The following ARHGEF3 variants were observed in gnomAD, a reference collection of about 807,000 sequenced individuals.
ARHGEF3 encodes Rho guanine nucleotide exchange factor 3, also known as 59.8 kDA protein.
Under a neutral mutation model 63.2 loss-of-function variants are expected in ARHGEF3, and 28 were observed. The ratio of observed to expected loss-of-function variants is 0.44; its 90% CI spans 0.33 to 0.61. The LOEUF (loss-of-function observed/expected upper bound fraction) is 0.61, where lower values mean the gene tolerates loss of function less well. Ranked by LOEUF, ARHGEF3 falls within the 20% of genes least tolerant of loss-of-function variation. ARHGEF3 has a pLI of 0.03. For synonymous variants in ARHGEF3, 266 were observed against 254.2 expected, an observed-to-expected ratio of 1.05 and a Z score of -0.44; for missense variants, 533 against 659.3, an observed-to-expected ratio of 0.81 and a Z score of 2.10.
rs575180477 is a variant in ARHGEF3, at chr3:56,821,164, A to T, written c.193-47348T>A. On this transcript the variant is annotated intron_variant, in intron 4 of 12. Transcript: ENST00000338458. Reference sequence around the variant, plus strand: ...AGAGTGAGAGACCCTGTCTCAAAAAAAAATAAATAAATAAAAAAAATAGGG... The same window carrying T: ...AGAGTGAGAGACCCTGTCTCAAAAATAAATAAATAAATAAAAAAAATAGGG... Among the ~76,000 whole-genome samples, 339 of 151,946 alleles carry T rather than the reference A, an allele frequency of 2.2e-3. 2 individuals carry two copies. Among genetic ancestry groups the T allele is most frequent in the South Asian group, 7.8e-3 (37 of 4,718 alleles).
chr3:56,756,711 G>A (rs377733075), intron 2 of ARHGEF3, among the ~76,000 whole-genome samples: 3 of 151,918 alleles, frequency 2.0e-5, no homozygotes, highest in Admixed American at 1.3e-4. Context: ...CACCACGCCC[G>A]GCTAATTTTT....
At chr3:56,802,060 G>T, upstream of ARHGEF3, 1 of 1,304,568 alleles carries the variant, frequency 7.7e-7, no homozygotes, top group Non-Finnish European at 9.9e-7. Flanking sequence ...CCCACGTGCC[G>T]CAGCGCGGAC....
chr3:57,040,788 G>C (rs1253810649), intron 1 of ARHGEF3, among the ~76,000 whole-genome samples: 7 of 152,000 alleles, frequency 4.6e-5, no homozygotes, highest in African/African-American at 1.5e-4. Flanking sequence ...TCTGAATGAA[G>C]CAGACCCCAG....
At chr3:56,961,651 C>T (rs1700285557) in intron 2 of ARHGEF3, among the ~76,000 whole-genome samples, 1 of 152,092 alleles carries the variant, frequency 6.6e-6, no homozygotes, top group South Asian at 2.1e-4. Context: ...TGCCAGGAGA[C>T]CTACCGAGAG....
intron 3 of ARHGEF3, among the ~76,000 whole-genome samples, chr3:56,890,207 T>C (rs1183483557): frequency 6.6e-6 from 1 of 152,236 alleles, no homozygotes; most frequent in East Asian, 1.9e-4. Context: ...GCTCCACCTT[T>C]GCTACTTGGT....
At chr3:57,016,764 T>C (rs1703022148) in intron 2 of ARHGEF3, among the ~76,000 whole-genome samples, 1 of 152,120 alleles carries the variant, frequency 6.6e-6, no homozygotes, top group Non-Finnish European at 1.5e-5. Context: ...CTCTTGCTCT[T>C]GGTCCCCCCC....
intron 1 of ARHGEF3, among the ~76,000 whole-genome samples, chr3:57,039,380 T>C (rs1704087024): frequency 6.6e-6 from 1 of 152,192 alleles, no homozygotes; most frequent in Admixed American, 6.5e-5. Context: ...GGTCCCACCA[T>C]CTTGGAAGAC....
chr3:56,888,907 A>AC (rs1553774002), intron 3 of ARHGEF3, among the ~76,000 whole-genome samples: 2 of 151,258 alleles, frequency 1.3e-5, no homozygotes, highest in African/African-American at 4.9e-5. Flanking sequence ...CCATCTCAAA[A>AC]AAAAACAAAA....
chr3:56,730,028 T>C (rs1445466470), intron 9 of ARHGEF3, among the ~76,000 whole-genome samples: 2 of 152,196 alleles, frequency 1.3e-5, no homozygotes, highest in Non-Finnish European at 2.9e-5. Flanking sequence ...GAGATCAGCC[T>C]GAGCAATATA....
At chr3:57,055,454 G>A (rs192068343) in intron 1 of ARHGEF3, among the ~76,000 whole-genome samples, 10 of 152,140 alleles carry the variant, frequency 6.6e-5, no homozygotes, top group South Asian at 2.1e-4. Context: ...GAGTCACCCC[G>A]CCTGGCCCCT....
chr3:56,734,576 T>C (rs1286531419), intron 8 of ARHGEF3, among the ~76,000 whole-genome samples: 2 of 152,178 alleles, frequency 1.3e-5, no homozygotes, highest in African/African-American at 4.8e-5. Context: ...ACCCCCTGCA[T>C]CTAAAACAAA....
intron 2 of ARHGEF3, among the ~76,000 whole-genome samples, chr3:57,003,662 G>A (rs1413717489): frequency 2.0e-5 from 3 of 152,140 alleles, no homozygotes; most frequent in Non-Finnish European, 1.5e-5. Context: ...TCTTGAGATG[G>A]GGTGTATCGT....
At chr3:56,943,953 G>T (rs1205536261) in intron 3 of ARHGEF3, among the ~76,000 whole-genome samples, 1 of 148,914 alleles carries the variant, frequency 6.7e-6, no homozygotes, top group South Asian at 2.1e-4. Flanking sequence ...GAGGCAGGTG[G>T]ATCACTTGAG....
intron 2 of ARHGEF3, among the ~76,000 whole-genome samples, chr3:56,769,832 G>T (rs79300184): frequency 6.6e-6 from 1 of 152,164 alleles, no homozygotes; most frequent in African/African-American, 2.4e-5. Flanking sequence ...ATGTCTCTAA[G>T]GTGTCAGAAG....
chr3:56,838,023 T>A (rs944596122), intron 4 of ARHGEF3, among the ~76,000 whole-genome samples: 2 of 152,214 alleles, frequency 1.3e-5, no homozygotes, highest in Non-Finnish European at 2.9e-5. Context: ...AGAAGAAAAC[T>A]GTGTGCAAAA....
At chr3:56,944,669 C>T (rs921403620) in intron 3 of ARHGEF3, among the ~76,000 whole-genome samples, 4 of 148,956 alleles carry the variant, frequency 2.7e-5, no homozygotes, top group African/African-American at 7.4e-5. Flanking sequence ...CTCTGCCTCC[C>T]GGGTACAAGC....
chr3:56,843,419 T>C (rs2039381306), intron 4 of ARHGEF3, among the ~76,000 whole-genome samples: 1 of 126,820 alleles, frequency 7.9e-6, no homozygotes, highest in African/African-American at 3.0e-5. Flanking sequence ...CCACCATGCC[T>C]GGATGACTTT....
At chr3:56,922,781 C>T (rs1183441174) in intron 3 of ARHGEF3, among the ~76,000 whole-genome samples, 1 of 151,994 alleles carries the variant, frequency 6.6e-6, no homozygotes, top group Admixed American at 6.6e-5. Context: ...CCTGGTAAGT[C>T]ACTCTTAATT....
chr3:57,002,523 G>GTTATATATATATATGTTATATATA (rs1560123186), intron 2 of ARHGEF3, among the ~76,000 whole-genome samples: 1 of 27,628 alleles, frequency 3.6e-5, no homozygotes, highest in African/African-American at 9.2e-5. Flanking sequence ...TGTTATATAT[G>GTTATATATATATATGTTATATATA]TATGTTATAT....
Sources: allele counts gnomAD v4.1 joint callset (sites outside exome capture counted in the v4.1 genomes callset), GRCh38; gene constraint gnomAD v4.1.1; transcripts MANE v1.5; gene names NCBI Gene and HGNC (gene_info 2026-07-23, HGNC 2026-07-21).